The following INTS4 variants were observed in gnomAD, a reference collection of about 807,000 sequenced individuals.
The protein encoded by INTS4 is integrator complex subunit 4.
INTS4 carries 70 observed loss-of-function variants against 119.5 expected under a neutral mutation model. That is an observed-to-expected ratio of 0.59 (90% CI 0.48 to 0.71). The LOEUF is 0.71. Ranked by LOEUF, INTS4 falls within the 30% of genes least tolerant of loss-of-function variation. INTS4 has a pLI of 0.00. For missense variants in INTS4, 867 were observed against 1,173.2 expected, an observed-to-expected ratio of 0.74 and a Z score of 3.81; for synonymous variants, 316 against 419.6, an observed-to-expected ratio of 0.75 and a Z score of 3.02.
Position 77,938,632 on chromosome 11 carries a change from A to ATT in INTS4, c.1165+17_1165+18dup. 6.2e-7 allele frequency: 1 copy of ATT among 1,606,710 alleles called. No homozygotes were observed. Among genetic ancestry groups the ATT allele is most frequent in the Non-Finnish European group, 8.5e-7 (1 of 1,176,826 alleles). ...CAGTCACTTAAAGAGTGCTATTGCT[A>ATT]TTATACAGTCATACTTACCATACAT... On this transcript the variant is annotated intron_variant, in intron 10 of 22. Transcript: ENST00000534064.
chr11:77,886,629 G>C (rs1290481224), intron 21 of INTS4, among the ~76,000 whole-genome samples: 1 of 152,136 alleles, frequency 6.6e-6, no homozygotes. Context: ...CTACTATCCA[G>C]CGAAACCACA....
chr11:77,991,425 T>C (rs1316443436), intron 1 of INTS4, 126 bp from the exon 2 acceptor site: 7 of 770,592 alleles, frequency 9.1e-6, no homozygotes, highest in African/African-American at 1.7e-5. Context: ...AATACAGTAT[T>C]ATAAACCAGA....
At chr11:77,920,276 TAC>T (rs1168730659) in intron 14 of INTS4, among the ~76,000 whole-genome samples, 1 of 145,588 alleles carries the variant, frequency 6.9e-6, no homozygotes, top group Non-Finnish European at 1.5e-5. Flanking sequence ...CACATATATA[TAC>T]ACATATATAT....
At chr11:77,984,312 G>A (rs1410288167) in intron 2 of INTS4, among the ~76,000 whole-genome samples, 1 of 152,032 alleles carries the variant, frequency 6.6e-6, no homozygotes, top group Non-Finnish European at 1.5e-5. Flanking sequence ...TGACCAACAT[G>A]GCAAAACCCT....
At chr11:77,881,710 A>G (rs1400871650) in intron 22 of INTS4, among the ~76,000 whole-genome samples, 1 of 152,232 alleles carries the variant, frequency 6.6e-6, no homozygotes, top group East Asian at 1.9e-4. Context: ...TACTAAAACA[A>G]TGGAGATACA....
chr11:77,914,887 T>C (rs1432458940), intron 15 of INTS4: 1 of 153,088 alleles, frequency 6.5e-6, no homozygotes, highest in Admixed American at 6.5e-5. Flanking sequence ...CAAACTGCCA[T>C]GCTAAAATCA....
At chr11:77,927,564 A>G (rs1401778631) in intron 11 of INTS4, among the ~76,000 whole-genome samples, 2 of 152,192 alleles carry the variant, frequency 1.3e-5, no homozygotes, top group Admixed American at 6.5e-5. Context: ...TTTTAGAAAA[A>G]TAATACAAGA....
At chr11:77,931,705 G>A (rs1953653613) in intron 10 of INTS4, among the ~76,000 whole-genome samples, 1 of 152,170 alleles carries the variant, frequency 6.6e-6, no homozygotes, top group African/African-American at 2.4e-5. Context: ...CAAGGCTACA[G>A]TAACCAAAAC....
chr11:77,880,548 C>A (rs1951752916), intron 22 of INTS4, among the ~76,000 whole-genome samples: 1 of 152,194 alleles, frequency 6.6e-6, no homozygotes, highest in Non-Finnish European at 1.5e-5. Flanking sequence ...ATGAATCTCC[C>A]ACTTAGGGTG....
At chr11:77,952,490 A>G (rs1317570198) in intron 8 of INTS4, among the ~76,000 whole-genome samples, 1 of 152,238 alleles carries the variant, frequency 6.6e-6, no homozygotes, top group Non-Finnish European at 1.5e-5. Flanking sequence ...AAGTGGGTTA[A>G]TAGTTATGTG....
chr11:77,908,432 G>A (rs1385513454), intron 15 of INTS4, among the ~76,000 whole-genome samples: 5 of 151,494 alleles, frequency 3.3e-5, no homozygotes, highest in South Asian at 4.2e-4. Context: ...GGGTTCAAGC[G>A]ATTCTCCTGC....
At chr11:77,906,529 C>T (rs1952958128) in intron 16 of INTS4, among the ~76,000 whole-genome samples, 1 of 152,164 alleles carries the variant, frequency 6.6e-6, no homozygotes, top group South Asian at 2.1e-4. Flanking sequence ...TTGGAAAAGC[C>T]AAACAACCTT....
chr11:77,911,889 G>A (rs915694215), intron 15 of INTS4, among the ~76,000 whole-genome samples: 1 of 152,140 alleles, frequency 6.6e-6, no homozygotes, highest in African/African-American at 2.4e-5. Context: ...AAATTTAAGT[G>A]GCTTGCCTAA....
intron 15 of INTS4, among the ~76,000 whole-genome samples, chr11:77,910,033 G>GCT (rs1487091080): frequency 2.0e-4 from 30 of 152,132 alleles, no homozygotes; most frequent in African/African-American, 7.0e-4. Flanking sequence ...AAGTCAGTGT[G>GCT]GCAATTCCTC....
intron 10 of INTS4, among the ~76,000 whole-genome samples, chr11:77,932,595 T>C (rs1169287196): frequency 1.3e-5 from 2 of 152,178 alleles, no homozygotes; most frequent in Admixed American, 6.5e-5. Flanking sequence ...GACCCAGCAA[T>C]CCCATTACTG....
chr11:77,933,543 T>C (rs1344716370), intron 10 of INTS4, among the ~76,000 whole-genome samples: 2 of 152,160 alleles, frequency 1.3e-5, no homozygotes, highest in Non-Finnish European at 2.9e-5. Context: ...TTGCCCAGGC[T>C]GGAGTGCAGT....
intron 2 of INTS4, among the ~76,000 whole-genome samples, chr11:77,986,367 T>C (rs561112065): frequency 1.3e-5 from 2 of 152,220 alleles, no homozygotes; most frequent in Non-Finnish European, 2.9e-5. Flanking sequence ...TGTGGAGAAA[T>C]AGGAACACTT....
chr11:77,886,529 G>A (rs551146355), intron 21 of INTS4, among the ~76,000 whole-genome samples: 1 of 152,308 alleles, frequency 6.6e-6, no homozygotes, highest in East Asian at 1.9e-4. Context: ...AACGGCGGGA[G>A]TAACTATGAC....
intron 11 of INTS4, among the ~76,000 whole-genome samples, chr11:77,926,177 TTGACA>T (rs1953493580): frequency 7.0e-6 from 1 of 143,842 alleles, no homozygotes; most frequent in Non-Finnish European, 1.5e-5. Context: ...GGGTAGGATC[TTGACA>T]TAGCAGGAAA....
Sources: gnomAD v4.1 joint callset for allele counts (sites outside exome capture counted in the v4.1 genomes callset) on GRCh38, gnomAD v4.1.1 for gene constraint, MANE v1.5 for transcripts, NCBI Gene and HGNC (gene_info 2026-07-23, HGNC 2026-07-21) for gene names.